Variants in TRIM5 observed in about 807,000 individuals in gnomAD.
TRIM5 encodes the protein tripartite motif containing 5.
Under a neutral mutation model 35.6 loss-of-function variants are expected in TRIM5, and 31 were observed. The ratio of observed to expected loss-of-function variants is 0.87; its 90% confidence interval spans 0.65 to 1.18. The LOEUF (loss-of-function observed/expected upper bound fraction) is 1.18. Ranked by LOEUF, TRIM5 falls within the 50% of genes most tolerant of loss-of-function variation. The probability of loss-of-function intolerance (pLI) is 0.00; values close to 1 mark genes in which losing one functional copy is unlikely to be tolerated. For synonymous variants in TRIM5, 243 were observed against 215.6 expected (o/e 1.13, Z -1.11); for missense variants, 609 against 591.6 (o/e 1.03, Z -0.31).
intron 4 of TRIM5, among the ~76,000 whole-genome samples, chr11:5,674,616 C>T (rs946077836): frequency 6.6e-6 from 1 of 152,194 alleles, no homozygotes; most frequent in Non-Finnish European, 1.5e-5. Context: ...GCCTCCAGGC[C>T]GTATCTCACA....
intron 4 of TRIM5, among the ~76,000 whole-genome samples, chr11:5,670,939 A>G (rs1406507200): frequency 6.6e-6 from 1 of 152,196 alleles, no homozygotes; most frequent in African/African-American, 2.4e-5. Flanking sequence ...CAGAAACAAC[A>G]AAGTAACAAA....
the TRIM5 span, chr11:5,605,271 G>A: frequency 1.1e-5 from 17 of 1,607,542 alleles, no homozygotes; most frequent in African/African-American, 5.3e-5. Flanking sequence ...CAACTTCCCC[G>A]CTTTTAATAG....
the TRIM5 span, among the ~76,000 whole-genome samples, chr11:5,591,370 C>A: frequency 0.015 from 2,298 of 152,230 alleles, 26 homozygotes; most frequent in Non-Finnish European, 0.023. Flanking sequence ...AATGGTTAGC[C>A]GGGCGTGGTG....
At chr11:5,634,522 CACACACACATATAT>C in the TRIM5 span, 1 of 662,902 alleles carries the variant, frequency 1.5e-6, no homozygotes, top group African/African-American at 2.2e-5. Flanking sequence ...CACACACACA[CACACACACATATAT>C]ATATATATAT....
chr11:5,629,701 ATTC>A, the TRIM5 span, among the ~76,000 whole-genome samples: 1 of 151,982 alleles, frequency 6.6e-6, no homozygotes, highest in Non-Finnish European at 1.5e-5. Flanking sequence ...CTCCGTGAGG[ATTC>A]TTTTGTTTTG....
the TRIM5 span, chr11:5,611,975 C>T: frequency 2.0e-5 from 3 of 152,092 alleles, no homozygotes; most frequent in Non-Finnish European, 4.4e-5. Flanking sequence ...AATGAAAACT[C>T]GTATTCTACC....
the TRIM5 span, chr11:5,645,666 GAAA>G: frequency 1.3e-5 from 2 of 158,726 alleles, no homozygotes; most frequent in Admixed American, 1.3e-4. Flanking sequence ...CAATCAGGAA[GAAA>G]AAAAGACAGG....
At chr11:5,636,480 T>G in the TRIM5 span, among the ~76,000 whole-genome samples, 1 of 152,248 alleles carries the variant, frequency 6.6e-6, no homozygotes, top group Non-Finnish European at 1.5e-5. Flanking sequence ...TAAAGCCTGT[T>G]AAATTGTGCA....
chr11:5,605,204 G>A, the TRIM5 span: 3 of 1,198,346 alleles, frequency 2.5e-6, no homozygotes, highest in Non-Finnish European at 1.2e-6. Context: ...GCTTTCTCCT[G>A]CAGCATTTAC....
chr11:5,669,237 G>A (rs1429564509), intron 4 of TRIM5, among the ~76,000 whole-genome samples: 3 of 151,298 alleles, frequency 2.0e-5, no homozygotes, highest in South Asian at 2.1e-4. Context: ...GCGCCACCAC[G>A]CCTGGCTAAT....
chr11:5,650,847 G>T, the TRIM5 span, among the ~76,000 whole-genome samples: 1 of 152,186 alleles, frequency 6.6e-6, no homozygotes, highest in East Asian at 1.9e-4. Context: ...GAAAAAGATA[G>T]TAGGTATCTA....
chr11:5,677,039 A>G (rs1018842880), intron 4 of TRIM5, among the ~76,000 whole-genome samples: 4 of 152,218 alleles, frequency 2.6e-5, no homozygotes, highest in Non-Finnish European at 2.9e-5. Flanking sequence ...GGACATAGGC[A>G]TGGACAAGGA....
At chr11:5,629,874 A>G in the TRIM5 span, among the ~76,000 whole-genome samples, 1 of 152,056 alleles carries the variant, frequency 6.6e-6, no homozygotes, top group Non-Finnish European at 1.5e-5. Context: ...CCCCTGGCTA[A>G]TTTTTGTATT....
chr11:5,679,721 C>T (rs1852279236), intron 2 of TRIM5, 40 bp downstream of exon 2: 12 of 1,513,538 alleles, frequency 7.9e-6, no homozygotes, highest in Non-Finnish European at 1.1e-5. Flanking sequence ...CCATCTGGTC[C>T]CATTTTCTGC....
the TRIM5 span, chr11:5,605,293 A>T: frequency 6.2e-7 from 1 of 1,612,156 alleles, no homozygotes; most frequent in Non-Finnish European, 8.5e-7. Context: ...GGAGACCCTC[A>T]GTGTGACCGA....
the TRIM5 span, among the ~76,000 whole-genome samples, chr11:5,657,234 T>A: frequency 6.6e-6 from 1 of 151,952 alleles, no homozygotes; most frequent in Non-Finnish European, 1.5e-5. Flanking sequence ...CACTGCATGT[T>A]CTCACTTATA....
chr11:5,677,507 G>A (rs1001622490), intron 4 of TRIM5, among the ~76,000 whole-genome samples: 1 of 152,214 alleles, frequency 6.6e-6, no homozygotes, highest in African/African-American at 2.4e-5. Context: ...CTGTTGGTGG[G>A]ACTGTAAACT....
chr11:5,678,538 AT>A lies in TRIM5; in HGVS notation c.514-105del, dbSNP rs934365884. 5 of 872,640 alleles carry A rather than the reference AT, an allele frequency of 5.7e-6. No homozygotes were observed. The African/African-American group carries it at 8.5e-5, about 15-fold the overall frequency. 54.1% of individuals were successfully genotyped at this position (872,640 alleles called of 1,614,324 possible). A position where few individuals can be genotyped will look rare whatever the true frequency, so the allele number is the denominator to read the frequency against. Reference sequence around the variant, plus strand: ...TGGGGAGTTCTCACAAGGAGGGGACATAGTAGCAGGAGAGTAGGTCTTAGGA... The same window carrying A: ...TGGGGAGTTCTCACAAGGAGGGGACAAGTAGCAGGAGAGTAGGTCTTAGGA... On this transcript the variant is annotated intron_variant, in intron 3 of 7. Coordinates refer to ENST00000380034, the MANE Select transcript of TRIM5 (RefSeq NM_033034.3).
downstream of TRIM5, among the ~76,000 whole-genome samples, chr11:5,661,247 A>G (rs1011000080): frequency 6.6e-6 from 1 of 151,954 alleles, no homozygotes; most frequent in South Asian, 2.1e-4. Context: ...AACCAAAGAG[A>G]TCTCTTTTCC....
Sources: allele counts gnomAD v4.1 joint callset (sites outside exome capture counted in the v4.1 genomes callset), GRCh38; gene constraint gnomAD v4.1.1; transcripts MANE v1.5; gene names NCBI Gene and HGNC (gene_info 2026-07-23, HGNC 2026-07-21).